The following UNC5D variants were observed in gnomAD, a reference collection of about 807,000 sequenced individuals.
The protein encoded by UNC5D is netrin receptor UNC5D.
UNC5D carries 39 observed loss-of-function variants against 105.4 expected under a neutral mutation model. That is an observed-to-expected ratio of 0.37 (90% confidence interval 0.29 to 0.48). UNC5D has a LOEUF of 0.48. Among genes scored for constraint, UNC5D ranks in the 20% least tolerant of loss-of-function variants. UNC5D has a pLI of 0.98. For synonymous variants in UNC5D, 452 were observed against 450.4 expected (o/e 1.00, Z -0.04); for missense variants, 991 against 1,202.4 (o/e 0.82, Z 2.60).
At chr8:35,700,513 G>A (rs1029293159) in intron 7 of UNC5D, among the ~76,000 whole-genome samples, 2 of 152,024 alleles carry the variant, frequency 1.3e-5, no homozygotes, top group Admixed American at 6.5e-5. Context: ...ACAAACTGTC[G>A]AGAGAGAGAA....
rs1803449408 is a variant in UNC5D at position 35,387,047 on chromosome 8, A to G, written c.103+151160A>G. Among the ~76,000 whole-genome samples the G allele has an allele frequency of 2.6e-5, 4 of 151,868 alleles. No individual in the cohort carries two copies. In the South Asian group the frequency reaches 8.3e-4, roughly 32 times the overall value. ...CTGCTGTAGTGGCAGCATCAGCATC[A>G]CCTAGGTGCTTGTTAGAAATGCAGA... On this transcript the variant is annotated intron_variant, in intron 1 of 16. Transcript: ENST00000404895.
At chr8:35,697,109 A>G (rs939191480) in intron 7 of UNC5D, among the ~76,000 whole-genome samples, 6 of 149,736 alleles carry the variant, frequency 4.0e-5, no homozygotes, top group African/African-American at 1.3e-4. Flanking sequence ...AAAACTTGAG[A>G]TAGATAGATA....
At chr8:35,547,899 C>T (rs749939067) in intron 1 of UNC5D, among the ~76,000 whole-genome samples, 8 of 152,030 alleles carry the variant, frequency 5.3e-5, no homozygotes, top group East Asian at 3.9e-4. Context: ...CACAATAGGC[C>T]GTCTGCAAGC....
At chr8:35,236,650 C>A (rs891559845) in intron 1 of UNC5D, among the ~76,000 whole-genome samples, 56 of 152,204 alleles carry the variant, frequency 3.7e-4, no homozygotes, top group African/African-American at 1.2e-3. Flanking sequence ...TTCTTGGATC[C>A]TCTGGACTCC....
chr8:35,469,877 G>A (rs1437027550), intron 1 of UNC5D, among the ~76,000 whole-genome samples: 1 of 152,136 alleles, frequency 6.6e-6, no homozygotes, highest in African/African-American at 2.4e-5. Flanking sequence ...GTATATGTTA[G>A]AGGCCCTTTC....
intron 1 of UNC5D, among the ~76,000 whole-genome samples, chr8:35,338,493 G>C (rs1158685615): frequency 6.6e-6 from 1 of 152,000 alleles, no homozygotes; most frequent in African/African-American, 2.4e-5. Flanking sequence ...TTGAGAACCA[G>C]CTCATCTGAG....
At chr8:35,435,066 G>A (rs1174097618) in intron 1 of UNC5D, among the ~76,000 whole-genome samples, 1 of 152,010 alleles carries the variant, frequency 6.6e-6, no homozygotes, top group African/African-American at 2.4e-5. Context: ...GAAAGACTGT[G>A]GAGTATGGTT....
intron 1 of UNC5D, among the ~76,000 whole-genome samples, chr8:35,322,884 T>C (rs549864644): frequency 7.2e-5 from 11 of 152,284 alleles, no homozygotes; most frequent in African/African-American, 2.6e-4. Context: ...AGACAAATCA[T>C]ACAGTACTTT....
intron 1 of UNC5D, among the ~76,000 whole-genome samples, chr8:35,543,433 T>A (rs1815411552): frequency 6.6e-6 from 1 of 152,188 alleles, no homozygotes; most frequent in South Asian, 2.1e-4. Context: ...CCCAATTGCA[T>A]TACAAATACA....
chr8:35,648,073 A>C (rs1212392826), intron 4 of UNC5D, among the ~76,000 whole-genome samples: 1 of 152,168 alleles, frequency 6.6e-6, no homozygotes, highest in Admixed American at 6.5e-5. Flanking sequence ...CTATAGGACA[A>C]TCTGGAGTCC....
chr8:35,695,256 A>G (rs1223349994), intron 7 of UNC5D, among the ~76,000 whole-genome samples: 2 of 152,126 alleles, frequency 1.3e-5, no homozygotes, highest in Non-Finnish European at 2.9e-5. Context: ...TCCATTTTCT[A>G]TCCTTCCTCT....
chr8:35,288,205 G>GA (rs1347933210), intron 1 of UNC5D, among the ~76,000 whole-genome samples: 1 of 152,066 alleles, frequency 6.6e-6, no homozygotes, highest in African/African-American at 2.4e-5. Context: ...AGTAGCTACA[G>GA]AAAATAAGCA....
rs531145238 is a variant in UNC5D at position 35,377,538 on chromosome 8, C to A, written c.103+141651C>A. Among the ~76,000 whole-genome samples the A allele has an allele frequency of 1.1e-4, 17 of 152,292 alleles. No individual in the cohort carries two copies. The South Asian group carries it at 3.5e-3, about 32-fold the overall frequency. On this transcript the variant is annotated intron_variant, in intron 1 of 16. Coordinates refer to ENST00000404895, the MANE Select transcript of UNC5D (RefSeq NM_080872.4). ...CCCGTGCCACATTCCAGCATGTTGA[C>A]CTCAGCTTCCTGCTGAGCAGGCTGG...
chr8:35,688,582 G>A (rs1826181179), intron 7 of UNC5D, among the ~76,000 whole-genome samples: 2 of 152,190 alleles, frequency 1.3e-5, no homozygotes, highest in Admixed American at 1.3e-4. Context: ...CTACCCACCA[G>A]TTGTAGTTTG....
intron 1 of UNC5D, among the ~76,000 whole-genome samples, chr8:35,437,045 G>T (rs1029390074): frequency 1.3e-5 from 2 of 150,624 alleles, no homozygotes. Flanking sequence ...CATGTTTGTT[G>T]CCCCGGCTAG....
chr8:35,271,756 C>CATATAT (rs1274689099), intron 1 of UNC5D, among the ~76,000 whole-genome samples: 1 of 112,492 alleles, frequency 8.9e-6, no homozygotes, highest in South Asian at 2.7e-4. Flanking sequence ...TACATGTATA[C>CATATAT]ATGTATACAT....
At chr8:35,679,063 A>G (rs562793806) in intron 4 of UNC5D, among the ~76,000 whole-genome samples, 2 of 152,234 alleles carry the variant, frequency 1.3e-5, no homozygotes, top group East Asian at 3.9e-4. Context: ...AGCCTGAGAA[A>G]CATAGTGAAA....
At chr8:35,268,720 A>G (rs1291472517) in intron 1 of UNC5D, among the ~76,000 whole-genome samples, 1 of 152,158 alleles carries the variant, frequency 6.6e-6, no homozygotes, top group Non-Finnish European at 1.5e-5. Flanking sequence ...GCACTGTTCT[A>G]AATATATTGC....
intron 11 of UNC5D, among the ~76,000 whole-genome samples, chr8:35,734,032 A>G (rs1829332023): frequency 6.6e-6 from 1 of 151,978 alleles, no homozygotes; most frequent in Non-Finnish European, 1.5e-5. Flanking sequence ...AGAACATTGC[A>G]TTCAACAGTG....
Sources: gnomAD v4.1 joint callset for allele counts (sites outside exome capture counted in the v4.1 genomes callset) on GRCh38, gnomAD v4.1.1 for gene constraint, MANE v1.5 for transcripts, NCBI Gene and HGNC (gene_info 2026-07-23, HGNC 2026-07-21) for gene names.